DOCK6: variants seen among roughly 807,000 people sequenced by gnomAD.
DOCK6 encodes the protein dedicator of cytokinesis 6.
A neutral mutation model predicts 230.3 loss-of-function variants in DOCK6; 167 were observed. That is an observed-to-expected ratio of 0.73 (90% CI 0.64 to 0.82). The LOEUF (loss-of-function observed/expected upper bound fraction) is 0.82. Among genes scored for constraint, DOCK6 ranks in the 40% least tolerant of loss-of-function variants. The pLI is 0.00. For synonymous variants in DOCK6, 1,148 were observed against 1,185.0 expected (o/e 0.97, Z 0.64); for missense variants, 2,598 against 2,825.8 (o/e 0.92, Z 1.83).
chr19:11,204,166 AGGGT>A, intron 40 of DOCK6, 30 bp downstream of exon 40: 2 of 1,211,010 alleles, frequency 1.7e-6, no homozygotes, highest in Non-Finnish European at 2.3e-6. Context: ...AGTGGGGCTG[AGGGT>A]GGGGTCTGGG....
chr19:11,253,775 G>A lies in DOCK6; in HGVS notation c.45-49C>T, dbSNP rs201108873. Reference sequence around the variant, plus strand: ...TTGGGGACGGGAAAACTCAGGCAGCGGAGCGGACAGATTCTTTCTATGAGG... The same window carrying A: ...TTGGGGACGGGAAAACTCAGGCAGCAGAGCGGACAGATTCTTTCTATGAGG... On this transcript the variant is annotated intron_variant, in intron 1 of 47. Coordinates refer to ENST00000294618, the MANE Select transcript of DOCK6 (RefSeq NM_020812.4). The A allele has an allele frequency of 8.0e-6, 10 of 1,253,400 alleles. No individual in the cohort carries two copies. In the East Asian group the frequency reaches 1.5e-4, roughly 19 times the overall value. The allele number at this position is 1,253,400 out of a possible 1,614,324, so 77.6% of individuals were successfully genotyped here.
intron 9 of DOCK6, 129 bp downstream of exon 9, chr19:11,245,434 C>T (rs1568257968): frequency 3.8e-6 from 4 of 1,050,102 alleles, no homozygotes; most frequent in Admixed American, 2.0e-5. Flanking sequence ...GGCCTCCTCC[C>T]TGCCTGTGTT....
intron 13 of DOCK6, among the ~76,000 whole-genome samples, chr19:11,242,492 A>G (rs1048558140): frequency 2.4e-4 from 36 of 151,920 alleles, no homozygotes; most frequent in Non-Finnish European, 1.0e-4. Context: ...CCCCAGTTCA[A>G]GTGATTCTCC....
intron 4 of DOCK6, 81 bp downstream of exon 4, chr19:11,252,401 T>C (rs2080131823): frequency 5.0e-6 from 8 of 1,592,930 alleles, no homozygotes; most frequent in South Asian, 1.1e-5. Context: ...AATGGGCAGA[T>C]ACACAGTAGG....
In DOCK6 at chr19:11,236,262, G is replaced by C; in HGVS notation, c.2392+84C>G. The stretch of plus-strand genomic sequence containing the variant: ...GAGAAAAATGGCCAGAGAGGTAAAT[G>C]GGCTTATAGAAGATCCCTCAGGACC... On this transcript the variant is annotated intron_variant, in intron 20 of 47. Transcript: ENST00000294618. The surrounding 1 kb of genome is among the most constrained non-coding windows in gnomAD (Gnocchi z 5.2). 7.9e-7 allele frequency: 1 copy of C among 1,273,386 alleles called. No homozygotes were observed. The highest frequency in any genetic ancestry group is 2.5e-5 in the Admixed American group (1 of 39,578). The allele number at this position is 1,273,386 out of a possible 1,614,324, so 78.9% of individuals were successfully genotyped here. A position where few individuals can be genotyped will look rare whatever the true frequency, so the allele number is the denominator to read the frequency against.
Position 11,204,223 on chromosome 19 carries a change from C to T in DOCK6, c.5197G>A (p.Ala1733Thr), listed in dbSNP as rs924025489. The T allele has an allele frequency of 4.5e-6, 7 of 1,565,494 alleles. No homozygotes were observed. The highest frequency in any genetic ancestry group is 6.1e-6 in the Non-Finnish European group (7 of 1,153,724). Residue 1733 changes from alanine (A) to threonine (T), a missense_variant, in exon 40 of 48, where the codon GCC becomes ACC. Physicochemically the swap from Ala to Thr is moderately conservative, Grantham distance 58. Coordinates refer to ENST00000294618, the MANE Select transcript of DOCK6 (RefSeq NM_020812.4). ...LAAVHGKLQE[A>T]FTKIMHQSSG... Reference sequence around the variant, plus strand: ...ACCTGGTGCATGATCTTGGTGAAGGCCTCCTGCAGTTTGCCGTGCACCGCG... The same window carrying T: ...ACCTGGTGCATGATCTTGGTGAAGGTCTCCTGCAGTTTGCCGTGCACCGCG...
At position 11,200,825 on chromosome 19, in the gene DOCK6, G is replaced by A. The variant is rs778874526; in HGVS notation, c.5833-3C>T. On this transcript the variant is annotated splice_polypyrimidine_tract_variant and splice_region_variant and intron_variant, in intron 45 of 47. Transcript: ENST00000294618. This position sits in a 1 kb window ranked among gnomAD's most constrained non-coding sequence, Gnocchi z 4.3. ...ACCTGGGCCACCTCCAGGGGACCCT[G>A]TGGGGTGAGAGGGACTGGTGAGCCA... 1 of 1,612,896 alleles carries A rather than the reference G, an allele frequency of 6.2e-7. No individual in the cohort carries two copies. Among genetic ancestry groups the A allele is most frequent in the African/African-American group, 1.3e-5 (1 of 75,028 alleles).
intron 14 of DOCK6, chr19:11,239,960 G>A (rs1195432395): frequency 1.3e-6 from 2 of 1,562,144 alleles, no homozygotes; most frequent in African/African-American, 1.4e-5. Context: ...GCGACACTGT[G>A]GGGTGGCCAG....
rs1568226326 is a variant in DOCK6 at position 11,214,664 on chromosome 19, G to A, written c.4107-15C>T. The A allele has an allele frequency of 4.3e-6, 7 of 1,612,038 alleles. No homozygotes were observed. Among genetic ancestry groups the A allele is most frequent in the African/African-American group, 1.3e-5 (1 of 74,910 alleles). On this transcript the variant is annotated splice_polypyrimidine_tract_variant and intron_variant, in intron 32 of 47. Coordinates refer to ENST00000294618, the MANE Select transcript of DOCK6 (RefSeq NM_020812.4). ...CATCCTTGGTCCTGGAAGGGGAAAG[G>A]AGGTCTTGGGGGCCCACTCGGGGTG...
At chr19:11,245,010 A>G (rs893105905) in intron 9 of DOCK6, among the ~76,000 whole-genome samples, 39 of 151,972 alleles carry the variant, frequency 2.6e-4, no homozygotes, top group African/African-American at 8.7e-4. Flanking sequence ...GGGCAGTGGG[A>G]CCCTATCCAC....
chr19:11,249,534 T>TA (rs1172386854), intron 6 of DOCK6, among the ~76,000 whole-genome samples: 4 of 151,114 alleles, frequency 2.6e-5, no homozygotes, highest in Non-Finnish European at 5.9e-5. Flanking sequence ...ATTTTATATA[T>TA]TTTTTTACCT....
At position 11,243,376 on chromosome 19, in the gene DOCK6, G is replaced by A. The variant is rs764202690; in HGVS notation, c.1268C>T (p.Pro423Leu). 33 of 1,602,204 alleles carry A rather than the reference G, an allele frequency of 2.1e-5. No individual in the cohort carries two copies. Among genetic ancestry groups the A allele is most frequent in the Non-Finnish European group, 2.8e-5 (33 of 1,175,056 alleles). The change falls in exon 12 of 48, where the codon CCA (proline) becomes CTA (leucine). Residue 423 changes from proline to leucine, a missense_variant. Physicochemically the swap from Pro to Leu is moderately conservative, Grantham distance 98 (BLOSUM62 -3). Coordinates refer to ENST00000294618, the MANE Select transcript of DOCK6 (RefSeq NM_020812.4). This position sits in a 1 kb window ranked among gnomAD's most constrained non-coding sequence, Gnocchi z 6.3. ...RDSDSEGERR[P>L]AWTDRRRRGP... ...CCGACGGCGGCGGTCTGTCCAGGCT[G>A]GCCGGCGCTCTAGGGGAGGGAATGA...
At chr19:11,206,906 A>G (rs1485154294) in intron 39 of DOCK6, among the ~76,000 whole-genome samples, 5 of 151,506 alleles carry the variant, frequency 3.3e-5, no homozygotes, top group Admixed American at 1.3e-4. Context: ...TGCAGTGGGC[A>G]TGATCTCAGC....
rs1394507560 is a variant in DOCK6, at chr19:11,200,397, C to A, written c.6012G>T (p.Glu2004Asp). ...PDQKEYHREL[E>D]RNYCRLREAL... ...CCTCCCGCAGGCGGCAGTAGTTGCG[C>A]TCCAGCTCACGGTGGTACTCCTTCT... is the stretch of plus-strand genomic sequence containing the variant. Residue 2004 changes from glutamate (E) to aspartate (D), a missense_variant, in exon 47 of 48, where the codon GAG becomes GAT. Glu to Asp is a conservative substitution (Grantham distance 45). Coordinates refer to ENST00000294618, the MANE Select transcript of DOCK6 (RefSeq NM_020812.4). This position sits in a 1 kb window ranked among gnomAD's most constrained non-coding sequence, Gnocchi z 4.3. 3.2e-5 allele frequency: 51 copies of A among 1,607,964 alleles called. 1 individual carries two copies. In the Admixed American group the frequency reaches 7.8e-4, roughly 24 times the overall value.
chr19:11,239,523 T>C (rs2079906072), intron 14 of DOCK6: 1 of 1,306,564 alleles, frequency 7.7e-7, no homozygotes, highest in Non-Finnish European at 1.1e-6. Context: ...TGCCAGGCCC[T>C]TGTGCAATGC....
Position 11,200,905 on chromosome 19 carries a change from G to C in DOCK6, c.5832+4C>G. ...GGCTTGCATCCCCCTTCCACCAGCC[G>C]TGCCTGGTTCACGGTGGGCCCTACA... On this transcript the variant is annotated splice_donor_region_variant and intron_variant, in intron 45 of 47. Coordinates refer to ENST00000294618, the MANE Select transcript of DOCK6 (RefSeq NM_020812.4). The surrounding 1 kb of genome is among the most constrained non-coding windows in gnomAD (Gnocchi z 4.3). 1 of 1,613,866 alleles carries C rather than the reference G, an allele frequency of 6.2e-7. No homozygotes were observed. Among genetic ancestry groups the C allele is most frequent in the Non-Finnish European group, 8.5e-7 (1 of 1,179,856 alleles).
At position 11,245,717 on chromosome 19, in the gene DOCK6, G is replaced by A; in HGVS notation, c.874-5C>T. 6.2e-7 allele frequency: 1 copy of A among 1,604,406 alleles called. No individual in the cohort carries two copies. Among genetic ancestry groups the A allele is most frequent in the Non-Finnish European group, 8.5e-7 (1 of 1,174,324 alleles). The stretch of plus-strand genomic sequence containing the variant: ...GAAGTAGAAGTTCTCCGAGATCTGG[G>A]GACACCAGAGGCAGCTGGGCCACCA... On this transcript the variant is annotated splice_polypyrimidine_tract_variant and splice_region_variant and intron_variant, in intron 8 of 47. Coordinates refer to ENST00000294618, the MANE Select transcript of DOCK6 (RefSeq NM_020812.4).
At position 11,201,074 on chromosome 19, in the gene DOCK6, G is replaced by A; in HGVS notation, c.5689-22C>T. On this transcript the variant is annotated intron_variant, in intron 44 of 47. Transcript: ENST00000294618. The surrounding 1 kb of genome is among the most constrained non-coding windows in gnomAD (Gnocchi z 4.3). Reference sequence around the variant, plus strand: ...CCGTCTGTGGGGTAAGGGGAGGGGTGTGTACTCGCTGGGGCCTGAGGAGGT... The same window carrying A: ...CCGTCTGTGGGGTAAGGGGAGGGGTATGTACTCGCTGGGGCCTGAGGAGGT... The A allele has an allele frequency of 6.2e-7, 1 of 1,611,980 alleles. No individual in the cohort carries two copies. Among genetic ancestry groups the A allele is most frequent in the Non-Finnish European group, 8.5e-7 (1 of 1,179,406 alleles).
intron 22 of DOCK6, 167 bp from the exon 23 acceptor site, chr19:11,229,202 G>C: frequency 7.8e-7 from 1 of 1,285,898 alleles, no homozygotes; most frequent in Non-Finnish European, 1.0e-6. Flanking sequence ...CCCTGGGCTC[G>C]CCAGACCCCC....
Sources: allele counts gnomAD v4.1 joint callset (sites outside exome capture counted in the v4.1 genomes callset), GRCh38; gene constraint gnomAD v4.1.1; non-coding constraint Gnocchi (gnomAD v3.1); transcripts MANE v1.5; gene names NCBI Gene and HGNC (gene_info 2026-07-23, HGNC 2026-07-21).